The following XKR4 variants were observed in gnomAD, a reference collection of about 807,000 sequenced individuals.
XKR4 encodes XK-related protein 4.
Under a neutral mutation model 53.9 loss-of-function variants are expected in XKR4, and 12 were observed. The ratio of observed to expected loss-of-function variants is 0.22; its 90% CI spans 0.14 to 0.36. The LOEUF (loss-of-function observed/expected upper bound fraction) is 0.36, where lower values mean the gene tolerates loss of function less well. Ranked by LOEUF, XKR4 falls within the 10% of genes least tolerant of loss-of-function variation. The probability of loss-of-function intolerance (pLI) is 1.00; values close to 1 mark genes in which losing one functional copy is unlikely to be tolerated. For synonymous variants in XKR4, 354 were observed against 362.4 expected (o/e 0.98, Z 0.26); for missense variants, 799 against 859.5 (o/e 0.93, Z 0.88).
At chr8:55,464,213 T>C (rs1317854442) in intron 2 of XKR4, among the ~76,000 whole-genome samples, 4 of 152,158 alleles carry the variant, frequency 2.6e-5, no homozygotes, top group Non-Finnish European at 2.9e-5. Context: ...TGAACATTGA[T>C]GCAAAAATCC....
chr8:55,142,073 TG>T, intron 1 of XKR4: 1 of 456,052 alleles, frequency 2.2e-6, no homozygotes. Flanking sequence ...GCAGCCTCCC[TG>T]GTGACTTTCT....
chr8:55,468,457 T>C (rs1663191359), intron 2 of XKR4, among the ~76,000 whole-genome samples: 1 of 151,976 alleles, frequency 6.6e-6, no homozygotes, highest in Admixed American at 6.6e-5. Flanking sequence ...TTATATCTAA[T>C]TTTTTTTCTT....
At chr8:55,491,156 T>C (rs533816619) in intron 2 of XKR4, among the ~76,000 whole-genome samples, 1 of 152,238 alleles carries the variant, frequency 6.6e-6, no homozygotes, top group Non-Finnish European at 1.5e-5. Flanking sequence ...ATAACATTTT[T>C]CACCTTTAAA....
rs1817784600 is a variant in XKR4, at chr8:55,215,274, C to T, written c.806+111980C>T. 3.9e-5 allele frequency among the ~76,000 whole-genome samples: 6 copies of T among 152,188 alleles called. No individual in the cohort carries two copies. The South Asian group carries it at 1.2e-3, about 32-fold the overall frequency. ...TATAGGTTGTATGCCTAAACTAGTC[C>T]AGCAAAGCTCCTTGGGTGCATATAG... On this transcript the variant is annotated intron_variant, in intron 1 of 2. Coordinates refer to ENST00000327381, the MANE Select transcript of XKR4 (RefSeq NM_052898.2).
At chr8:55,246,189 A>G (rs1221647582) in intron 1 of XKR4, among the ~76,000 whole-genome samples, 1 of 152,198 alleles carries the variant, frequency 6.6e-6, no homozygotes, top group East Asian at 1.9e-4. Context: ...ACCCAACACC[A>G]TATCTTGTGT....
chr8:55,103,217 C>T lies in XKR4; in HGVS notation c.729C>T (p.His243=). ...GGGCTACCCGGGCCAGTGGCAAGCA[C>T]AGGTCTGCGTCCTGCTCCTTCTGCA... ...SSGATRASGK[H]RSASCSFCIW... Residue 243 remains histidine, a synonymous_variant, in exon 1 of 3, where the codon CAC becomes CAT. Transcript: ENST00000327381. 1 of 1,614,112 alleles carries T rather than the reference C, an allele frequency of 6.2e-7. No individual in the cohort carries two copies. Among genetic ancestry groups the T allele is most frequent in the Non-Finnish European group, 8.5e-7 (1 of 1,180,030 alleles).
At chr8:55,177,639 T>G (rs1817252945) in intron 1 of XKR4, among the ~76,000 whole-genome samples, 3 of 152,274 alleles carry the variant, frequency 2.0e-5, no homozygotes, top group East Asian at 3.9e-4. Flanking sequence ...GGAGGAAACA[T>G]GTTCTCTTTG....
chr8:55,345,096 A>G (rs1250966187), intron 1 of XKR4, among the ~76,000 whole-genome samples: 1 of 152,162 alleles, frequency 6.6e-6, no homozygotes, highest in Non-Finnish European at 1.5e-5. Context: ...AGCCTCGCCA[A>G]CATGGTGAAA....
At chr8:55,410,056 A>G (rs771775378) in intron 2 of XKR4, among the ~76,000 whole-genome samples, 2 of 151,902 alleles carry the variant, frequency 1.3e-5, no homozygotes, top group East Asian at 1.9e-4. Flanking sequence ...TCTGTTTGCC[A>G]TGGCTAGTTG....
At position 55,526,898 on chromosome 8, in the gene XKR4, A is replaced by G. The variant is rs1181935424; in HGVS notation, c.*2671A>G. On this transcript the variant is annotated 3_prime_UTR_variant, in exon 3 of 3. Coordinates refer to ENST00000327381, the MANE Select transcript of XKR4 (RefSeq NM_052898.2). ...AGAATGTAAGGAGGTTGAATTTTTC[A>G]GTGATTTCCCAAATACTGTAAATAC... 1 of 152,234 alleles carries G rather than the reference A, an allele frequency of 6.6e-6. No homozygotes were observed. Among genetic ancestry groups the G allele is most frequent in the Non-Finnish European group, 1.5e-5 (1 of 68,042 alleles). The allele number at this position is 152,234 out of a possible 1,614,324, so 9.4% of individuals were successfully genotyped here.
intron 1 of XKR4, among the ~76,000 whole-genome samples, chr8:55,187,584 A>G (rs895855585): frequency 1.3e-5 from 2 of 152,206 alleles, no homozygotes; most frequent in Admixed American, 1.3e-4. Flanking sequence ...GTGACATAAG[A>G]ACTTTACTTT....
chr8:55,177,079 C>G (rs1817245533), intron 1 of XKR4, among the ~76,000 whole-genome samples: 1 of 151,658 alleles, frequency 6.6e-6, no homozygotes, highest in African/African-American at 2.4e-5. Flanking sequence ...CTCTGTTACC[C>G]AGGCTGGAGT....
At position 55,524,463 on chromosome 8, in the gene XKR4, C is replaced by T. The variant is rs975928559; in HGVS notation, c.*236C>T. On this transcript the variant is annotated 3_prime_UTR_variant, in exon 3 of 3. Transcript: ENST00000327381. ...AATGACGCTGGCTTAATAGGACTCT[C>T]CATTGCTACCAAACTCCTCCTGCAC... 12 of 550,948 alleles carry T rather than the reference C, an allele frequency of 2.2e-5. No individual in the cohort carries two copies. The African/African-American group carries it at 2.3e-4, about 10-fold the overall frequency. 34.1% of individuals were successfully genotyped at this position (550,948 alleles called of 1,614,324 possible).
chr8:55,320,064 A>T (rs1244188625), intron 1 of XKR4, among the ~76,000 whole-genome samples: 1 of 152,212 alleles, frequency 6.6e-6, no homozygotes, highest in Non-Finnish European at 1.5e-5. Context: ...TTCTTGCACC[A>T]TCTCTTGCAG....
chr8:55,479,609 G>GAA (rs1192027640), intron 2 of XKR4, among the ~76,000 whole-genome samples: 1 of 152,048 alleles, frequency 6.6e-6, no homozygotes, highest in Non-Finnish European at 1.5e-5. Flanking sequence ...ATGAATCCAG[G>GAA]AGATTGTTTT....
intron 1 of XKR4, among the ~76,000 whole-genome samples, chr8:55,141,311 C>T (rs1019951267): frequency 2.0e-5 from 3 of 152,170 alleles, no homozygotes; most frequent in African/African-American, 2.4e-5. Flanking sequence ...TGGAGGTATT[C>T]TTCTTCTCTT....
chr8:55,511,507 C>T (rs1212048200), intron 2 of XKR4, among the ~76,000 whole-genome samples: 2 of 152,166 alleles, frequency 1.3e-5, no homozygotes, highest in East Asian at 3.9e-4. Flanking sequence ...TCGGGAGGAA[C>T]CCCCACATAT....
intron 2 of XKR4, among the ~76,000 whole-genome samples, chr8:55,384,461 A>G (rs2129387864): frequency 6.6e-6 from 1 of 152,348 alleles, no homozygotes; most frequent in Non-Finnish European, 1.5e-5. Context: ...TAGAAATAGT[A>G]GCCTACTAAC....
Position 55,420,823 on chromosome 8 carries a change from T to G in XKR4, c.1006+62946T>G, listed in dbSNP as rs201031983. The stretch of plus-strand genomic sequence containing the variant: ...ATAAATAAATAAATAAATAAATAAA[T>G]AAAAAAGAAAGATCCTTTGGCTGTT... On this transcript the variant is annotated intron_variant, in intron 2 of 2. Transcript: ENST00000327381. 2.3e-5 allele frequency among the ~76,000 whole-genome samples: 3 copies of G among 130,358 alleles called. No individual in the cohort carries two copies. In the East Asian group the frequency reaches 6.7e-4, roughly 29 times the overall value. The allele number at this position is 130,358 out of a possible 152,430, so 85.5% of individuals were successfully genotyped here. A position where few individuals can be genotyped will look rare whatever the true frequency, so the allele number is the denominator to read the frequency against.
Sources: gnomAD v4.1 joint callset for allele counts (sites outside exome capture counted in the v4.1 genomes callset) on GRCh38, gnomAD v4.1.1 for gene constraint, MANE v1.5 for transcripts, NCBI Gene and HGNC (gene_info 2026-07-23, HGNC 2026-07-21) for gene names.